Variants in COL17A1 observed in about 807,000 individuals in gnomAD.
The protein encoded by COL17A1 is collagen type XVII alpha 1 chain, also known as collagen alpha-1(XVII) chain.
Under a neutral mutation model 218.4 loss-of-function variants are expected in COL17A1, and 181 were observed. The ratio of observed to expected loss-of-function variants is 0.83; its 90% CI spans 0.73 to 0.94. The LOEUF is 0.94. Ranked by LOEUF, COL17A1 falls within the 40% of genes least tolerant of loss-of-function variation. The pLI is 0.00. For missense variants in COL17A1, 1,924 were observed against 1,945.9 expected (o/e 0.99, Z 0.21); for synonymous variants, 721 against 731.0 (o/e 0.99, Z 0.22).
At chr10:104,058,451 A>C (rs1311057408) in intron 15 of COL17A1, among the ~76,000 whole-genome samples, 1 of 152,166 alleles carries the variant, frequency 6.6e-6, no homozygotes, top group African/African-American at 2.4e-5. Context: ...AACACCTCAA[A>C]ACATTTTTGG....
chr10:104,053,794 G>C (rs1352555226), intron 22 of COL17A1, 126 bp downstream of exon 22: 1 of 716,198 alleles, frequency 1.4e-6, no homozygotes, highest in Non-Finnish European at 2.5e-6. Context: ...GGGTTTCTCT[G>C]TTTGGTTCAC....
At chr10:104,035,009 C>T (rs1222710137) in intron 50 of COL17A1, among the ~76,000 whole-genome samples, 1 of 152,208 alleles carries the variant, frequency 6.6e-6, no homozygotes. Flanking sequence ...CTCAGCCCTC[C>T]AGTCACTGAG....
At chr10:104,071,842 G>A (rs77279174) in intron 8 of COL17A1, among the ~76,000 whole-genome samples, 190 bp downstream of exon 8, 2,635 of 152,150 alleles carry the variant, frequency 0.017, 32 homozygotes, top group Non-Finnish European at 0.026. Context: ...TTTACTCAGC[G>A]GCTTAACCCC....
At chr10:104,070,368 G>A (rs975497943) in intron 9 of COL17A1, 58 bp downstream of exon 9, 4 of 1,609,670 alleles carry the variant, frequency 2.5e-6, no homozygotes, top group Non-Finnish European at 3.4e-6. Context: ...CACTCTTTGG[G>A]TTTGGATGGG....
intron 37 of COL17A1, 27 bp downstream of exon 37, chr10:104,041,458 C>T (rs1034861738): frequency 6.2e-7 from 1 of 1,609,910 alleles, no homozygotes; most frequent in Non-Finnish European, 8.5e-7. Flanking sequence ...AAACTCCCCA[C>T]CTTCCAAAGG....
At chr10:104,044,652 G>A (rs754761892) in intron 33 of COL17A1, among the ~76,000 whole-genome samples, 5 of 152,190 alleles carry the variant, frequency 3.3e-5, no homozygotes, top group Non-Finnish European at 4.4e-5. Flanking sequence ...TGAACAAGAC[G>A]GGAGAAGCAC....
chr10:104,081,816 T>G (rs1413089356), intron 1 of COL17A1, among the ~76,000 whole-genome samples: 3 of 152,184 alleles, frequency 2.0e-5, no homozygotes, highest in African/African-American at 4.8e-5. Flanking sequence ...CAGCACATTT[T>G]GGGGCTCACA....
chr10:104,079,379 G>C (rs1350159311), intron 2 of COL17A1, among the ~76,000 whole-genome samples: 4 of 152,136 alleles, frequency 2.6e-5, no homozygotes, highest in African/African-American at 4.8e-5. Flanking sequence ...ATGTGTGTAT[G>C]TGTGCATGTA....
rs185008031 is a variant in COL17A1, at chr10:104,049,345, C to G, written c.2227+64G>C. ...AGAGGCAGCTCTAGAAGACGGATCT[C>G]TCCAGGGTCGTGGTGACCCCTCAGA... On this transcript the variant is annotated intron_variant, in intron 29 of 55. Transcript: ENST00000648076. 308 of 1,488,030 alleles carry G rather than the reference C, an allele frequency of 2.1e-4. No homozygotes were observed. In the East Asian group the frequency reaches 5.3e-3, roughly 25 times the overall value. The allele number at this position is 1,488,030 out of a possible 1,614,324, so 92.2% of individuals were successfully genotyped here. A position where few individuals can be genotyped will look rare whatever the true frequency, so the allele number is the denominator to read the frequency against.
rs1174913351 is a variant in COL17A1, at chr10:104,074,178, A to G, written c.379+6T>C. On this transcript the variant is annotated splice_donor_region_variant and intron_variant, in intron 6 of 55. Coordinates refer to ENST00000648076, the MANE Select transcript of COL17A1 (RefSeq NM_000494.4). ...CATTTCTTTAGAAAATAAGGAGAGG[A>G]CATACCAAATTCCTTCCGAGGGTAC... The G allele has an allele frequency of 1.2e-6, 2 of 1,614,200 alleles. No individual in the cohort carries two copies. Among genetic ancestry groups the G allele is most frequent in the Non-Finnish European group, 8.5e-7 (1 of 1,180,018 alleles).
intron 35 of COL17A1, among the ~76,000 whole-genome samples, chr10:104,043,085 C>A (rs1224850631): frequency 2.6e-5 from 4 of 152,200 alleles, no homozygotes; most frequent in Non-Finnish European, 5.9e-5. Context: ...AGATACCTAG[C>A]ATTTTTGTTG....
intron 20 of COL17A1, among the ~76,000 whole-genome samples, chr10:104,054,612 G>A (rs960057654): frequency 6.6e-6 from 1 of 152,148 alleles, no homozygotes; most frequent in Admixed American, 6.5e-5. Context: ...GAGAGAGGTG[G>A]GATCCTGTCA....
intron 5 of COL17A1, among the ~76,000 whole-genome samples, 168 bp downstream of exon 5, chr10:104,076,129 GTGAA>G (rs1219676615): frequency 6.6e-6 from 1 of 152,234 alleles, no homozygotes; most frequent in Non-Finnish European, 1.5e-5. Flanking sequence ...AAATGAGGTA[GTGAA>G]TGAATGAATG....
Position 104,038,494 on chromosome 10 carries a change from CG to C in COL17A1, c.2981del (p.Pro994ArgfsTer72). 1.2e-6 allele frequency: 2 copies of C among 1,613,530 alleles called. No homozygotes were observed. Among genetic ancestry groups the C allele is most frequent in the Non-Finnish European group, 1.7e-6 (2 of 1,179,906 alleles). On this transcript the variant is annotated frameshift_variant, in exon 45 of 56. Coordinates refer to ENST00000648076, the MANE Select transcript of COL17A1 (RefSeq NM_000494.4). LOFTEE classifies it high-confidence loss of function. Reference sequence around the variant, plus strand: ...GCCCAGGGGGCCCAGGGGGCCCTGGCGGGCCTGACACGTACATGGTACTTGA... The same window carrying C: ...GCCCAGGGGGCCCAGGGGGCCCTGGCGGCCTGACACGTACATGGTACTTGA... ...GSSSTMYVSG[P>X]PGPPGPPGPP...
chr10:104,056,017 A>G lies in COL17A1; in HGVS notation c.1466-14T>C, dbSNP rs1302278283. 6.2e-7 allele frequency: 1 copy of G among 1,614,096 alleles called. No homozygotes were observed. Among genetic ancestry groups the G allele is most frequent in the Non-Finnish European group, 8.5e-7 (1 of 1,179,982 alleles). Reference sequence around the variant, plus strand: ...TCACCTCCTCCGCTGCAACAAACAGACACACACTGCGTCACTGAGGGCCCG... The same window carrying G: ...TCACCTCCTCCGCTGCAACAAACAGGCACACACTGCGTCACTGAGGGCCCG... On this transcript the variant is annotated splice_polypyrimidine_tract_variant and intron_variant, in intron 17 of 55. Coordinates refer to ENST00000648076, the MANE Select transcript of COL17A1 (RefSeq NM_000494.4).
chr10:104,085,315 C>T (rs577127207), intron 1 of COL17A1, among the ~76,000 whole-genome samples: 10 of 152,202 alleles, frequency 6.6e-5, no homozygotes, highest in Middle Eastern at 3.4e-3. Context: ...TTGTTCTCTT[C>T]GTCCAGTGGA....
intron 5 of COL17A1, among the ~76,000 whole-genome samples, chr10:104,075,228 C>T (rs757328786): frequency 6.6e-6 from 1 of 152,126 alleles, no homozygotes; most frequent in Non-Finnish European, 1.5e-5. Context: ...GGTATCTGGG[C>T]CCTGACTTCT....
intron 2 of COL17A1, among the ~76,000 whole-genome samples, 160 bp downstream of exon 2, chr10:104,080,462 C>G (rs775355234): frequency 2.0e-5 from 3 of 152,194 alleles, no homozygotes; most frequent in Non-Finnish European, 4.4e-5. Flanking sequence ...TAAAAATCAA[C>G]AAGAGCTGTC....
At chr10:104,063,447 G>A in intron 11 of COL17A1, 1 of 416,396 alleles carries the variant, frequency 2.4e-6, no homozygotes. Flanking sequence ...CCTTTACCCT[G>A]AAAATGTCCT....
Sources: gnomAD v4.1 joint callset for allele counts (sites outside exome capture counted in the v4.1 genomes callset) on GRCh38, gnomAD v4.1.1 for gene constraint, MANE v1.5 for transcripts, NCBI Gene and HGNC (gene_info 2026-07-23, HGNC 2026-07-21) for gene names.